ZNF106: variants seen among roughly 807,000 people sequenced by gnomAD.
ZNF106 encodes zinc finger protein 106, also known as SH3-domain binding protein 3.
ZNF106 carries 67 observed loss-of-function variants against 195.1 expected under a neutral mutation model. The ratio of observed to expected loss-of-function variants is 0.34; its 90% CI spans 0.28 to 0.42. ZNF106 has a LOEUF of 0.42. ZNF106 is among the 10% of genes least tolerant of loss of function. The probability of loss-of-function intolerance (pLI) is 1.00; values close to 1 mark genes in which losing one functional copy is unlikely to be tolerated. For missense variants in ZNF106, 2,118 were observed against 2,304.5 expected, an observed-to-expected ratio of 0.92 and a Z score of 1.66; for synonymous variants, 784 against 818.6, an observed-to-expected ratio of 0.96 and a Z score of 0.72.
chr15:42,423,511 G>T (rs970039128), intron 17 of ZNF106, among the ~76,000 whole-genome samples: 1 of 152,050 alleles, frequency 6.6e-6, no homozygotes, highest in African/African-American at 2.4e-5. Flanking sequence ...TGAGTAGCTG[G>T]AATTACAGGA....
At chr15:42,472,546 C>T (rs1017107816) in intron 1 of ZNF106, among the ~76,000 whole-genome samples, 1 of 151,922 alleles carries the variant, frequency 6.6e-6, no homozygotes, top group Admixed American at 6.6e-5. Context: ...ACCTACCTTG[C>T]TATATAGCCA....
In ZNF106 at chr15:42,450,998, G is replaced by T; in HGVS notation, c.1274C>A (p.Thr425Lys). The T allele has an allele frequency of 6.2e-7, 1 of 1,614,190 alleles. No individual in the cohort carries two copies. The highest frequency in any genetic ancestry group is 1.1e-5 in the South Asian group (1 of 91,080). ...PQTDETRNSP[T>K]QKTQKEIHTG... ...ATGTATTTCTTTTTGTGTTTTCTGT[G>T]TTGGGGAATTACGTGTTTCATCAGT... The change falls in exon 5 of 22, where the codon ACA becomes AAA. Residue 425 changes from threonine to lysine, a missense_variant. Physicochemically the swap from Thr to Lys is moderately conservative, Grantham distance 78 (BLOSUM62 -1). Transcript: ENST00000564754.
Position 42,442,530 on chromosome 15 carries a change from G to C in ZNF106, c.3422-116C>G, listed in dbSNP as rs2055590706. On this transcript the variant is annotated intron_variant, in intron 9 of 21. Transcript: ENST00000564754. ...AAAAGAATTATAAATAAGTATATTA[G>C]TATAGTCCCTCATAATTCTCCGAAA... 5.1e-6 allele frequency: 4 copies of C among 780,856 alleles called. No individual in the cohort carries two copies. The Admixed American group carries it at 1.2e-4, about 24-fold the overall frequency. 48.4% of individuals were successfully genotyped at this position (780,856 alleles called of 1,614,324 possible).
chr15:42,425,926 A>G (rs2054840086), intron 15 of ZNF106: 1 of 152,268 alleles, frequency 6.6e-6, no homozygotes, highest in South Asian at 2.1e-4. Flanking sequence ...ACATTCTTTT[A>G]TCTCAGATTT....
intron 20 of ZNF106, among the ~76,000 whole-genome samples, chr15:42,419,899 G>A (rs760848818): frequency 4.6e-5 from 7 of 152,188 alleles, no homozygotes; most frequent in African/African-American, 1.4e-4. Flanking sequence ...GCAGTGAGCC[G>A]AGATTGCACC....
intron 1 of ZNF106, among the ~76,000 whole-genome samples, chr15:42,481,856 T>C (rs1358968056): frequency 1.3e-5 from 2 of 152,188 alleles, no homozygotes; most frequent in African/African-American, 4.8e-5. Flanking sequence ...CTTTTGTCTG[T>C]CAATAGTTTA....
intron 15 of ZNF106, among the ~76,000 whole-genome samples, chr15:42,426,426 G>A (rs551602639): frequency 6.6e-6 from 1 of 151,652 alleles, no homozygotes; most frequent in African/African-American, 2.4e-5. Flanking sequence ...GAGAGACAGG[G>A]TCTCACTCTG....
At chr15:42,442,823 A>G (rs11638666) in intron 9 of ZNF106, among the ~76,000 whole-genome samples, 28,207 of 151,390 alleles carry the variant, frequency 0.19, 3,186 homozygotes, top group African/African-American at 0.32. Context: ...TCACTCTGTC[A>G]CCCAGGCTGG....
At chr15:42,475,974 A>T (rs564922518) in intron 1 of ZNF106, among the ~76,000 whole-genome samples, 1 of 152,292 alleles carries the variant, frequency 6.6e-6, no homozygotes, top group Non-Finnish European at 1.5e-5. Flanking sequence ...CTTTTATTTG[A>T]CAAAGCCAAC....
intron 12 of ZNF106, among the ~76,000 whole-genome samples, chr15:42,438,375 A>G (rs1240186088): frequency 6.6e-6 from 1 of 152,228 alleles, no homozygotes; most frequent in Non-Finnish European, 1.5e-5. Context: ...CAGGTGACAG[A>G]GCAAGACTCT....
intron 4 of ZNF106, among the ~76,000 whole-genome samples, 199 bp from the exon 5 acceptor site, chr15:42,452,153 A>T (rs951847545): frequency 6.6e-6 from 1 of 152,174 alleles, no homozygotes; most frequent in Non-Finnish European, 1.5e-5. Flanking sequence ...TTATTAATTT[A>T]AAAATAAAAC....
intron 7 of ZNF106, among the ~76,000 whole-genome samples, chr15:42,446,244 A>AGCTAT (rs1040557729): frequency 2.6e-5 from 4 of 152,230 alleles, no homozygotes; most frequent in Non-Finnish European, 2.9e-5. Context: ...ATAAATGACA[A>AGCTAT]GCTATGCTCT....
chr15:42,487,204 G>A (rs1241209790), intron 1 of ZNF106, among the ~76,000 whole-genome samples: 3 of 151,418 alleles, frequency 2.0e-5, no homozygotes, highest in Admixed American at 1.3e-4. Flanking sequence ...ATATGGCCTG[G>A]ATGCAGTGGC....
In ZNF106 at chr15:42,413,340, T is replaced by TCTTAAACCCA. The variant is rs2054333019; in HGVS notation, c.*3963_*3964insTGGGTTTAAG. 1.3e-5 allele frequency: 2 copies of TCTTAAACCCA among 152,194 alleles called. No homozygotes were observed. The highest frequency in any genetic ancestry group is 2.4e-5 in the African/African-American group (1 of 41,442). The allele number at this position is 152,194 out of a possible 1,614,324, so 9.4% of individuals were successfully genotyped here. ...CCACTTCTCTTAAACCCGAGGAACC[T>TCTTAAACCCA]GATGATTTGGGGGCAGGGATAAAAC... On this transcript the variant is annotated 3_prime_UTR_variant, in exon 22 of 22. Transcript: ENST00000564754.
At chr15:42,435,248 A>G in intron 14 of ZNF106, 136 bp downstream of exon 14, 1 of 1,216,092 alleles carries the variant, frequency 8.2e-7, no homozygotes. Context: ...GGCTACAACA[A>G]TGTGCTAAAC....
At position 42,444,095 on chromosome 15, in the gene ZNF106, G is replaced by C. The variant is rs191667864; in HGVS notation, c.3421+107C>G. On this transcript the variant is annotated intron_variant, in intron 9 of 21. Transcript: ENST00000564754. Reference sequence around the variant, plus strand: ...CCACTGCACTCCAGCCTGGGAAATAGAGCAAGACTCTGTCTCCAAAAAAAA... The same window carrying C: ...CCACTGCACTCCAGCCTGGGAAATACAGCAAGACTCTGTCTCCAAAAAAAA... 336 of 713,806 alleles carry C rather than the reference G, an allele frequency of 4.7e-4. 1 individual carries two copies. Among genetic ancestry groups the C allele is most frequent in the African/African-American group, 4.2e-3 (165 of 39,274 alleles). 44.2% of individuals were successfully genotyped at this position (713,806 alleles called of 1,614,324 possible).
At chr15:42,436,358 T>C (rs954825340) in intron 13 of ZNF106, among the ~76,000 whole-genome samples, 3 of 152,222 alleles carry the variant, frequency 2.0e-5, no homozygotes, top group African/African-American at 7.2e-5. Context: ...TTTGATATCC[T>C]GTTCCCCTAG....
intron 1 of ZNF106, among the ~76,000 whole-genome samples, chr15:42,478,512 C>CTTTTTTT (rs58475332): frequency 1.3e-3 from 99 of 77,550 alleles, no homozygotes; most frequent in Non-Finnish European, 1.9e-3. Flanking sequence ...TCCTCTTTTT[C>CTTTTTTT]TTTTTTTTTT....
chr15:42,420,498 G>A (rs992693960), intron 20 of ZNF106, among the ~76,000 whole-genome samples: 1 of 152,024 alleles, frequency 6.6e-6, no homozygotes, highest in African/African-American at 2.4e-5. Flanking sequence ...GCGTAAAGTC[G>A]AATTTTAAAA....
Sources: gnomAD v4.1 joint callset for allele counts (sites outside exome capture counted in the v4.1 genomes callset) on GRCh38, gnomAD v4.1.1 for gene constraint, MANE v1.5 for transcripts, NCBI Gene and HGNC (gene_info 2026-07-23, HGNC 2026-07-21) for gene names.